DSE: variants seen among roughly 807,000 people sequenced by gnomAD.
DSE encodes dermatan-sulfate epimerase.
A neutral mutation model predicts 84.4 loss-of-function variants in DSE; 36 were observed. That is an observed-to-expected ratio of 0.43 (90% CI 0.33 to 0.56). The LOEUF (loss-of-function observed/expected upper bound fraction) is 0.56, where lower values mean the gene tolerates loss of function less well. Ranked by LOEUF, DSE falls within the 20% of genes least tolerant of loss-of-function variation. The probability of loss-of-function intolerance (pLI) is 0.06; values close to 1 mark genes in which losing one functional copy is unlikely to be tolerated. For synonymous variants in DSE, 410 were observed against 430.1 expected (o/e 0.95, Z 0.58); for missense variants, 862 against 1,169.6 (o/e 0.74, Z 3.84).
chr6:116,407,243 A>T (rs779389536), intron 2 of DSE, among the ~76,000 whole-genome samples: 9 of 152,204 alleles, frequency 5.9e-5, no homozygotes, highest in Non-Finnish European at 1.2e-4. Context: ...TTAAATTGTA[A>T]GGGAGAGGGA....
At chr6:116,358,191 T>C (rs1211691149) in intron 2 of DSE, among the ~76,000 whole-genome samples, 2 of 152,216 alleles carry the variant, frequency 1.3e-5, no homozygotes, top group Non-Finnish European at 2.9e-5. Flanking sequence ...CCTACATGAC[T>C]TGTAGGTGAT....
Position 116,444,201 on chromosome 6 carries a change from A to G in DSE, c.*6856A>G, listed in dbSNP as rs1784511458. 2 of 152,250 alleles carry G rather than the reference A, an allele frequency of 1.3e-5. No individual in the cohort carries two copies. Among genetic ancestry groups the G allele is most frequent in the Admixed American group, 1.3e-4 (2 of 15,288 alleles). 9.4% of individuals were successfully genotyped at this position (152,250 alleles called of 1,614,324 possible). A position where few individuals can be genotyped will look rare whatever the true frequency, so the allele number is the denominator to read the frequency against. On this transcript the variant is annotated 3_prime_UTR_variant, in exon 6 of 6. Transcript: ENST00000644252. ...ATGAAAGGGAGACGTGATTCTTTTG[A>G]AAGATTAATTCACAGAATTTTTTAT...
At chr6:116,361,120 C>T (rs889916689) in intron 2 of DSE, among the ~76,000 whole-genome samples, 1 of 151,940 alleles carries the variant, frequency 6.6e-6, no homozygotes, top group African/African-American at 2.4e-5. Flanking sequence ...GCTGGAGTGG[C>T]GTGATCTCGG....
At chr6:116,406,041 T>C (rs1781903556) in intron 2 of DSE, among the ~76,000 whole-genome samples, 1 of 152,252 alleles carries the variant, frequency 6.6e-6, no homozygotes, top group Non-Finnish European at 1.5e-5. Context: ...ATGACAGTTA[T>C]AAATCATACA....
At chr6:116,384,605 A>G (rs1780458570) in intron 1 of DSE, among the ~76,000 whole-genome samples, 1 of 152,168 alleles carries the variant, frequency 6.6e-6, no homozygotes, top group South Asian at 2.1e-4. Context: ...TTATCTCCAT[A>G]TGATTTGTCT....
At chr6:116,267,346 G>C (rs1482313027) in intron 2 of DSE, among the ~76,000 whole-genome samples, 1 of 152,078 alleles carries the variant, frequency 6.6e-6, no homozygotes. Flanking sequence ...AAGATGTTGA[G>C]GTAGAAGACA....
chr6:116,371,804 A>C (rs888645909), intron 1 of DSE, among the ~76,000 whole-genome samples: 1 of 152,214 alleles, frequency 6.6e-6, no homozygotes, highest in South Asian at 2.1e-4. Context: ...GCGATGCCAC[A>C]TGGGCTCAAG....
intron 2 of DSE, among the ~76,000 whole-genome samples, chr6:116,350,691 A>G (rs1482052675): frequency 1.3e-5 from 2 of 152,212 alleles, no homozygotes; most frequent in Non-Finnish European, 2.9e-5. Context: ...ACAGAAAAGT[A>G]TATGACTCTC....
chr6:116,404,003 TG>T (rs1397283448), intron 2 of DSE, among the ~76,000 whole-genome samples: 1 of 152,152 alleles, frequency 6.6e-6, no homozygotes, highest in African/African-American at 2.4e-5. Flanking sequence ...GATGGATATA[TG>T]GGGTAGCCCA....
intron 1 of DSE, among the ~76,000 whole-genome samples, 190 bp from the exon 2 acceptor site, chr6:116,399,008 T>C (rs949286107): frequency 2.6e-5 from 4 of 152,242 alleles, no homozygotes; most frequent in Non-Finnish European, 5.9e-5. Context: ...AATTCTGATG[T>C]AGTATGTTTA....
intron 1 of DSE, among the ~76,000 whole-genome samples, chr6:116,385,879 T>G (rs939646120): frequency 6.6e-6 from 1 of 152,094 alleles, no homozygotes; most frequent in Non-Finnish European, 1.5e-5. Flanking sequence ...TGAGGAATGC[T>G]TGTATATAAG....
chr6:116,279,704 T>C, intron 2 of DSE: 1 of 1,610,990 alleles, frequency 6.2e-7, no homozygotes, highest in Non-Finnish European at 8.5e-7. Context: ...ATCACCTGTG[T>C]CGCCTCGCTT....
intron 1 of DSE, among the ~76,000 whole-genome samples, chr6:116,377,556 G>A (rs1475650052): frequency 6.6e-6 from 1 of 152,072 alleles, no homozygotes; most frequent in East Asian, 1.9e-4. Context: ...GACTAGAAAT[G>A]GACACTTGTT....
At chr6:116,377,827 A>G (rs2114936943) in intron 1 of DSE, among the ~76,000 whole-genome samples, 1 of 152,316 alleles carries the variant, frequency 6.6e-6, no homozygotes, top group East Asian at 1.9e-4. Flanking sequence ...AGTTCTGACT[A>G]AACTTTTATT....
At chr6:116,269,601 T>C (rs1265662039) in intron 2 of DSE, among the ~76,000 whole-genome samples, 1 of 152,202 alleles carries the variant, frequency 6.6e-6, no homozygotes, top group Non-Finnish European at 1.5e-5. Context: ...GCTTGTCCAC[T>C]ATGTTACAGT....
intron 2 of DSE, among the ~76,000 whole-genome samples, chr6:116,284,309 T>C (rs1773732654): frequency 6.6e-6 from 1 of 152,178 alleles, no homozygotes. Flanking sequence ...CAACATCCAG[T>C]GTGTCACATC....
At chr6:116,370,496 G>A (rs530007427), upstream of DSE, 4 of 986,204 alleles carry the variant, frequency 4.1e-6, no homozygotes, top group South Asian at 1.9e-4. Context: ...CACCAGTCCC[G>A]GTAGTAAGAG....
In DSE at chr6:116,399,605, A is replaced by C. The variant is rs1583172956; in HGVS notation, c.355A>C (p.Asn119His). 5 of 1,614,234 alleles carry C rather than the reference A, an allele frequency of 3.1e-6. No individual in the cohort carries two copies. The Admixed American group carries it at 5.0e-5, about 16-fold the overall frequency. The change falls in exon 2 of 6, where the codon AAC becomes CAC. Residue 119 changes from asparagine to histidine, a missense_variant. Physicochemically the swap from Asn to His is moderately conservative, Grantham distance 68 (BLOSUM62 1). Around this residue, in one of 4 missense-constraint regions of DSE, gnomAD observed 309 missense variants for 516.9 expected, o/e 0.60. Transcript: ENST00000644252. Reference sequence around the variant, plus strand: ...AATGTTCTGTGTGCTGTATCCTGAGAACATTGAAGCCCGAGACATGGCCAA... The same window carrying C: ...AATGTTCTGTGTGCTGTATCCTGAGCACATTGAAGCCCGAGACATGGCCAA... ...LAMFCVLYPE[N>H]IEARDMAKDY... is the part of the protein sequence containing the mutation.
chr6:116,402,872 A>G (rs371154445), intron 2 of DSE, among the ~76,000 whole-genome samples: 25 of 152,242 alleles, frequency 1.6e-4, no homozygotes, highest in Non-Finnish European at 3.7e-4. Flanking sequence ...AGAAGTGCCT[A>G]TGAGATATAC....
Sources: gnomAD v4.1 joint callset for allele counts (sites outside exome capture counted in the v4.1 genomes callset) on GRCh38, gnomAD v4.1.1 for gene constraint, gnomAD v4.1.1 regional missense constraint, MANE v1.5 for transcripts, NCBI Gene and HGNC (gene_info 2026-07-23, HGNC 2026-07-21) for gene names.